ZFHX3: variants seen among roughly 807,000 people sequenced by gnomAD.
ZFHX3 encodes the protein zinc finger homeobox protein 3.
In ZFHX3, 42 loss-of-function variants were observed where a neutral mutation model predicts 279.1. That is an observed-to-expected ratio of 0.15 (90% CI 0.12 to 0.19). The LOEUF is 0.19. Among genes scored for constraint, ZFHX3 ranks in the 10% least tolerant of loss-of-function variants. The pLI is 1.00. For missense variants in ZFHX3, 4,981 were observed against 4,754.0 expected (o/e 1.05, Z -1.40); for synonymous variants, 2,293 against 1,957.8 (o/e 1.17, Z -4.52).
intron 8 of ZFHX3, among the ~76,000 whole-genome samples, chr16:73,082,895 A>C (rs1369044811): frequency 1.3e-5 from 2 of 152,106 alleles, no homozygotes; most frequent in African/African-American, 4.8e-5. Flanking sequence ...AAAACAAAAC[A>C]AAACCTGGCC....
intron 3 of ZFHX3, among the ~76,000 whole-genome samples, chr16:72,938,593 T>C (rs1174211248): frequency 6.6e-6 from 1 of 152,174 alleles, no homozygotes; most frequent in Non-Finnish European, 1.5e-5. Flanking sequence ...GGAATAGCCA[T>C]CCACAGAGGT....
At chr16:73,522,260 A>T (rs1299080875) in intron 2 of ZFHX3, among the ~76,000 whole-genome samples, 2 of 152,254 alleles carry the variant, frequency 1.3e-5, no homozygotes, top group Non-Finnish European at 2.9e-5. Flanking sequence ...CATGGCTGGA[A>T]AAAGCAAAGA....
intron 4 of ZFHX3, among the ~76,000 whole-genome samples, chr16:72,838,742 G>A (rs1205116178): frequency 1.3e-5 from 2 of 152,194 alleles, no homozygotes; most frequent in Non-Finnish European, 2.9e-5. Flanking sequence ...AACGCCTAGA[G>A]CCAGTATTGC....
At chr16:73,852,337 A>T (rs543785651) in intron 1 of ZFHX3, among the ~76,000 whole-genome samples, 1 of 152,278 alleles carries the variant, frequency 6.6e-6, no homozygotes, top group Admixed American at 6.5e-5. Flanking sequence ...TAGGCGTCTG[A>T]CTTCTTATAT....
In ZFHX3 at chr16:73,864,456, T is replaced by C. The variant is rs1961959524; in HGVS notation, c.-1608+27195A>G. ...TATGTAGGCTGGGTCTAGTGGCTTA[T>C]GCCTGTAATCCCAGCACTTCGGGAG... is the stretch of plus-strand genomic sequence containing the variant. On this transcript the variant is annotated intron_variant, in intron 1 of 17. Transcript: ENST00000641206. 2.0e-5 allele frequency among the ~76,000 whole-genome samples: 3 copies of C among 152,340 alleles called. No homozygotes were observed. In the South Asian group the frequency reaches 6.2e-4, roughly 32 times the overall value.
At chr16:73,874,049 G>A (rs2029881331) in intron 1 of ZFHX3, among the ~76,000 whole-genome samples, 1 of 152,058 alleles carries the variant, frequency 6.6e-6, no homozygotes, top group Non-Finnish European at 1.5e-5. Flanking sequence ...CAGGATTAGG[G>A]TCAGATGAAT....
intron 3 of ZFHX3, among the ~76,000 whole-genome samples, chr16:73,448,119 A>G (rs1374619122): frequency 6.6e-6 from 1 of 152,182 alleles, no homozygotes; most frequent in Non-Finnish European, 1.5e-5. Flanking sequence ...AGGGGCAGAT[A>G]TTAATGCTCA....
chr16:72,961,463 G>A (rs1306565803), intron 1 of ZFHX3, among the ~76,000 whole-genome samples: 1 of 152,168 alleles, frequency 6.6e-6, no homozygotes, highest in Non-Finnish European at 1.5e-5. Flanking sequence ...GCACCTCGCA[G>A]AGCCCTGATC....
intron 5 of ZFHX3, among the ~76,000 whole-genome samples, chr16:73,212,278 T>C (rs2047199538): frequency 6.6e-6 from 1 of 152,142 alleles, no homozygotes; most frequent in African/African-American, 2.4e-5. Context: ...ACACCCTTTT[T>C]TAAATAAAAA....
intron 1 of ZFHX3, among the ~76,000 whole-genome samples, chr16:73,684,081 C>T (rs893381830): frequency 2.0e-5 from 3 of 152,138 alleles, no homozygotes; most frequent in African/African-American, 7.2e-5. Flanking sequence ...ACAGCTTGAG[C>T]CCAGGAGCTT....
chr16:73,504,971 T>C (rs2019299926), intron 2 of ZFHX3: 1 of 152,018 alleles, frequency 6.6e-6, no homozygotes, highest in African/African-American at 2.4e-5. Flanking sequence ...TGTATTCCTT[T>C]TGGGTCATGT....
chr16:73,500,047 C>T (rs1441270296), intron 2 of ZFHX3: 1 of 152,172 alleles, frequency 6.6e-6, no homozygotes, highest in Non-Finnish European at 1.5e-5. Flanking sequence ...TACGTATTTA[C>T]TATAACTTGT....
chr16:73,485,664 G>A (rs1237577182), intron 2 of ZFHX3, among the ~76,000 whole-genome samples: 5 of 152,036 alleles, frequency 3.3e-5, no homozygotes, highest in African/African-American at 7.2e-5. Flanking sequence ...AACCCAGTAT[G>A]CTTTTTCTCA....
intron 1 of ZFHX3, among the ~76,000 whole-genome samples, chr16:72,965,880 G>A (rs889967117): frequency 6.6e-6 from 1 of 152,160 alleles, no homozygotes; most frequent in Admixed American, 6.5e-5. Flanking sequence ...ATTAGCTGTA[G>A]GTCCAGTAAG....
chr16:73,019,755 G>A (rs149350685), intron 1 of ZFHX3, among the ~76,000 whole-genome samples: 95 of 152,232 alleles, frequency 6.2e-4, no homozygotes, highest in African/African-American at 2.3e-3. Context: ...CTCATCCCAC[G>A]TAGAGCAATC....
intron 5 of ZFHX3, among the ~76,000 whole-genome samples, chr16:73,243,376 T>C (rs1205150538): frequency 6.6e-6 from 1 of 152,232 alleles, no homozygotes; most frequent in East Asian, 1.9e-4. Context: ...ACTCACTCTC[T>C]ATTCTTCACC....
intron 2 of ZFHX3, among the ~76,000 whole-genome samples, chr16:73,655,138 G>A (rs548673521): frequency 1.3e-5 from 2 of 152,270 alleles, no homozygotes; most frequent in South Asian, 4.1e-4. Flanking sequence ...TGGAACTACA[G>A]GCGTGAGCCA....
At chr16:73,303,963 G>GGAAAAAAAAA (rs781722281) in intron 4 of ZFHX3, among the ~76,000 whole-genome samples, 24 of 76,118 alleles carry the variant, frequency 3.2e-4, no homozygotes, top group Non-Finnish European at 3.7e-4. Context: ...ACCCTAGGTG[G>GGAAAAAAAAA]AAAAAAAAAA....
At chr16:73,570,840 G>A (rs1392053695) in intron 2 of ZFHX3, among the ~76,000 whole-genome samples, 2 of 151,500 alleles carry the variant, frequency 1.3e-5, no homozygotes, top group African/African-American at 4.8e-5. Flanking sequence ...ATCATGATAG[G>A]CTTAGTATTT....
Sources: allele counts gnomAD v4.1 joint callset (sites outside exome capture counted in the v4.1 genomes callset), GRCh38; gene constraint gnomAD v4.1.1; transcripts MANE v1.5; gene names NCBI Gene and HGNC (gene_info 2026-07-23, HGNC 2026-07-21).